CASK: variants seen among roughly 807,000 people sequenced by gnomAD.
CASK encodes the protein peripheral plasma membrane protein CASK.
Under a neutral mutation model 82.9 loss-of-function variants are expected in CASK, and 4 were observed. The observed-to-expected ratio is 0.05, with a 90% CI of 0.02 to 0.11. The LOEUF (loss-of-function observed/expected upper bound fraction) is 0.11, where lower values mean the gene tolerates loss of function less well. Among genes scored for constraint, CASK ranks in the 10% least tolerant of loss-of-function variants. CASK has a pLI of 1.00. For missense variants in CASK, 358 were observed against 720.9 expected (o/e 0.50, Z 5.76); for synonymous variants, 259 against 253.5 (o/e 1.02, Z -0.20).
chrX:41,595,975 A>T (rs1356329776), intron 12 of CASK, among the ~76,000 whole-genome samples: 2 of 111,291 alleles, frequency 1.8e-5, no homozygotes, highest in Admixed American at 1.9e-4. Context: ...CAGGATTCTC[A>T]CCTGAGGTGA....
At position 41,923,110 on chromosome X, in the gene CASK, C is replaced by T; in HGVS notation, c.-122G>A. 1.8e-6 allele frequency: 1 copy of T among 564,460 alleles called. No homozygotes were observed. The highest frequency in any genetic ancestry group is 2.9e-6 in the Non-Finnish European group (1 of 349,202). The allele number at this position is 564,460 out of a possible 1,213,427, so 46.5% of individuals were successfully genotyped here. A position where few individuals can be genotyped will look rare whatever the true frequency, so the allele number is the denominator to read the frequency against. ...CCTCAGGACCCGCGAGCCCTCGGTG[C>T]CGAGGACGCTCGAGTGGGGCCGCGA... is the stretch of plus-strand genomic sequence containing the variant. On this transcript the variant is annotated 5_prime_UTR_variant, in exon 1 of 27. Coordinates refer to ENST00000378163, the MANE Select transcript of CASK (RefSeq NM_001367721.1).
At chrX:41,612,751 T>TGGG (rs756228813) in intron 11 of CASK, among the ~76,000 whole-genome samples, 2 of 34,527 alleles carry the variant, frequency 5.8e-5, no homozygotes, top group East Asian at 1.2e-3. Context: ...GGGAGGGAGG[T>TGGG]GGGGGGGGGT....
intron 1 of CASK, among the ~76,000 whole-genome samples, chrX:41,855,422 T>C (rs1186395157): frequency 1.8e-5 from 2 of 111,663 alleles, no homozygotes. Context: ...CCTAAAAAGA[T>C]ACTAAAATAC....
intron 17 of CASK, among the ~76,000 whole-genome samples, chrX:41,560,328 A>C (rs2065210654): frequency 9.1e-6 from 1 of 110,234 alleles, no homozygotes; most frequent in Non-Finnish European, 1.9e-5. Flanking sequence ...CAGTGGCACC[A>C]TCTCGGCTCA....
At chrX:41,590,566 C>T (rs2065730845) in intron 12 of CASK, among the ~76,000 whole-genome samples, 1 of 97,621 alleles carries the variant, frequency 1.0e-5, no homozygotes, top group Non-Finnish European at 2.1e-5. Context: ...TAAAATTCCA[C>T]AAACCTAAAT....
chrX:41,859,046 T>C (rs1216989114), intron 1 of CASK, among the ~76,000 whole-genome samples: 1 of 111,141 alleles, frequency 9.0e-6, no homozygotes, highest in Non-Finnish European at 1.9e-5. Flanking sequence ...AACTTTGGAG[T>C]TACATGTTAA....
chrX:41,794,008 A>C (rs1490905175), intron 2 of CASK, among the ~76,000 whole-genome samples: 1 of 112,313 alleles, frequency 8.9e-6, no homozygotes, highest in Non-Finnish European at 1.9e-5. Context: ...TGAAGAGTAG[A>C]GGCCTAGACA....
At chrX:41,724,538 C>T (rs2068222863) in intron 5 of CASK, among the ~76,000 whole-genome samples, 1 of 112,179 alleles carries the variant, frequency 8.9e-6, no homozygotes, top group Non-Finnish European at 1.9e-5. Context: ...GACTTAGAGA[C>T]ATTTTCTGGA....
chrX:41,688,342 G>C (rs1013375962), intron 5 of CASK, among the ~76,000 whole-genome samples: 6 of 111,797 alleles, frequency 5.4e-5, no homozygotes, highest in Admixed American at 2.9e-4. Context: ...AACAAAAAAA[G>C]GGAAATAACA....
At chrX:41,769,585 C>T (rs1010080845) in intron 3 of CASK, among the ~76,000 whole-genome samples, 1 of 110,640 alleles carries the variant, frequency 9.0e-6, no homozygotes, top group African/African-American at 3.3e-5. Flanking sequence ...AAAATCTAAG[C>T]CTTAAATCTT....
At chrX:41,686,788 G>A (rs760250175) in intron 5 of CASK, among the ~76,000 whole-genome samples, 3 of 111,674 alleles carry the variant, frequency 2.7e-5, no homozygotes, top group Non-Finnish European at 5.6e-5. Flanking sequence ...ACCAGGGTTG[G>A]GATTTAAAGA....
At chrX:41,712,767 C>G (rs1014701078) in intron 5 of CASK, among the ~76,000 whole-genome samples, 1 of 112,418 alleles carries the variant, frequency 8.9e-6, no homozygotes, top group African/African-American at 3.2e-5. Flanking sequence ...ACATCACTAT[C>G]GTGAACCTAA....
chrX:41,858,834 G>A (rs1402858426), intron 1 of CASK, among the ~76,000 whole-genome samples: 1 of 111,077 alleles, frequency 9.0e-6, no homozygotes, highest in East Asian at 2.8e-4. Context: ...GCTATAAAGA[G>A]AATTTAAAAA....
intron 3 of CASK, among the ~76,000 whole-genome samples, chrX:41,748,023 G>C (rs1222891332): frequency 2.7e-5 from 3 of 111,871 alleles, no homozygotes; most frequent in African/African-American, 6.5e-5. Flanking sequence ...TGATCTATGA[G>C]GACTAAAAAA....
Position 41,866,512 on chromosome X carries a change from C to CT in CASK, c.60-13286dup, listed in dbSNP as rs111728168. On this transcript the variant is annotated intron_variant, in intron 1 of 26. Coordinates refer to ENST00000378163, the MANE Select transcript of CASK (RefSeq NM_001367721.1). ...GCTTTCTTCCCAACTTTCAGAATCC[C>CT]TTTATTGCTGTCAGTTGAATAATTT... Among the ~76,000 whole-genome samples the CT allele has an allele frequency of 3.3e-3, 375 of 112,188 alleles. 2 individuals are homozygous for CT. Among genetic ancestry groups the CT allele is most frequent in the African/African-American group, 0.012 (360 of 30,892 alleles).
chrX:41,653,999 C>G (rs1354142658), intron 8 of CASK, among the ~76,000 whole-genome samples: 2 of 112,111 alleles, frequency 1.8e-5, no homozygotes, highest in Non-Finnish European at 3.8e-5. Context: ...CCAACTCTAC[C>G]TATCAATGCC....
At chrX:41,748,027 TA>T (rs1285021060) in intron 3 of CASK, among the ~76,000 whole-genome samples, 1 of 112,204 alleles carries the variant, frequency 8.9e-6, no homozygotes, top group Non-Finnish European at 1.9e-5. Flanking sequence ...CTATGAGGAC[TA>T]AAAAACATCT....
rs989649425 is a variant in CASK, at chrX:41,518,243, T to C, written c.*2177A>G. On this transcript the variant is annotated 3_prime_UTR_variant, in exon 27 of 27. Coordinates refer to ENST00000378163, the MANE Select transcript of CASK (RefSeq NM_001367721.1). ...GAAGTTTCTGTTTCCCATGTGTTAG[T>C]TGTAGTTGTCTTTGTGCTTCACCAG... 8.1e-6 allele frequency: 1 copy of C among 123,641 alleles called. No homozygotes were observed. The highest frequency in any genetic ancestry group is 3.2e-5 in the African/African-American group (1 of 30,894). The allele number at this position is 123,641 out of a possible 1,213,427, so 10.2% of individuals were successfully genotyped here. A position where few individuals can be genotyped will look rare whatever the true frequency, so the allele number is the denominator to read the frequency against.
At position 41,553,695 on chromosome X, in the gene CASK, AGCAAAACAC is replaced by A; in HGVS notation, c.2039+15_2039+23del. 4 of 1,133,707 alleles carry A rather than the reference AGCAAAACAC, an allele frequency of 3.5e-6. No individual in the cohort carries two copies. In the Admixed American group the frequency reaches 9.2e-5, roughly 26 times the overall value. The allele number at this position is 1,133,707 out of a possible 1,213,427, so 93.4% of individuals were successfully genotyped here. On this transcript the variant is annotated intron_variant, in intron 21 of 26. Coordinates refer to ENST00000378163, the MANE Select transcript of CASK (RefSeq NM_001367721.1). ...GGGCTTTGTTTTTATAACCAAGCAA[AGCAAAACAC>A]GCATAAAAACATACCATTCCTGAAG...
Sources: allele counts gnomAD v4.1 joint callset (sites outside exome capture counted in the v4.1 genomes callset), GRCh38; gene constraint gnomAD v4.1.1; transcripts MANE v1.5; gene names NCBI Gene and HGNC (gene_info 2026-07-23, HGNC 2026-07-21).